Variants in HACL2 observed in about 807,000 individuals in gnomAD.
The protein encoded by HACL2 is 2-hydroxyacyl-CoA lyase 2, also known as 2-hydroxyacyl-CoA lyase 1 like.
the HACL2 span, chr19:15,122,706 G>A: frequency 1.1e-5 from 17 of 1,613,908 alleles, no homozygotes; most frequent in East Asian, 4.5e-5. This position sits in a 1 kb window ranked among gnomAD's most constrained non-coding sequence, Gnocchi z 4.0. Context: ...GAGACCACTC[G>A]GCCCACGAGG....
chr19:15,115,063 T>G, the HACL2 span: 2 of 676,610 alleles, frequency 3.0e-6, no homozygotes, highest in East Asian at 5.4e-5. Flanking sequence ...GTTGGGTCCG[T>G]GAAGAGGAGG....
At chr19:15,115,648 C>G in the HACL2 span, 2 of 1,613,944 alleles carry the variant, frequency 1.2e-6, no homozygotes, top group Non-Finnish European at 1.7e-6. Context: ...CAGCATCATT[C>G]CCTACCAAGG....
the HACL2 span, among the ~76,000 whole-genome samples, chr19:15,122,045 C>G: frequency 6.9e-6 from 1 of 145,970 alleles, no homozygotes; most frequent in African/African-American, 2.6e-5. This position sits in a 1 kb window ranked among gnomAD's most constrained non-coding sequence, Gnocchi z 4.0. Flanking sequence ...CTACAGGCGC[C>G]CGCCACCACG....
chr19:15,121,634 C>T, the HACL2 span, among the ~76,000 whole-genome samples: 2 of 151,790 alleles, frequency 1.3e-5, no homozygotes, highest in Middle Eastern at 3.4e-3. Flanking sequence ...CATGATGAAA[C>T]CTCGTCTCTA....
chr19:15,115,158 G>A, the HACL2 span: 1 of 1,440,120 alleles, frequency 6.9e-7, no homozygotes, highest in South Asian at 1.1e-5. Flanking sequence ...TGGGCCTCAT[G>A]GGATAGGCCC....
chr19:15,119,666 T>A, the HACL2 span: 1 of 716,964 alleles, frequency 1.4e-6, no homozygotes, highest in Non-Finnish European at 2.3e-6. Flanking sequence ...TTCTCCCGCC[T>A]CAGCCTCCAG....
chr19:15,123,210 G>A, the HACL2 span: 2 of 1,613,972 alleles, frequency 1.2e-6, no homozygotes, highest in Non-Finnish European at 1.7e-6. The surrounding 1 kb of genome is among the most constrained non-coding windows in gnomAD (Gnocchi z 5.1). Context: ...GGTGAGGCCA[G>A]GGCCTGCTGT....
chr19:15,125,317 C>T, the HACL2 span: 7 of 513,706 alleles, frequency 1.4e-5, no homozygotes, highest in African/African-American at 4.0e-5. Context: ...ACCACTCCCA[C>T]CCAAACTAGC....
chr19:15,124,598 C>T, the HACL2 span: 1 of 356,134 alleles, frequency 2.8e-6, no homozygotes, highest in African/African-American at 2.2e-5. Flanking sequence ...GGAGCCTGCC[C>T]TCTGCCCCAT....
chr19:15,117,367 T>C, the HACL2 span: 110,497 of 154,658 alleles, frequency 0.71, 39,778 homozygotes, highest in African/African-American at 0.78. Context: ...ACCCCACCAT[T>C]TGTTCCTACA....
the HACL2 span, chr19:15,125,373 C>T: frequency 5.6e-6 from 2 of 359,638 alleles, no homozygotes; most frequent in Non-Finnish European, 1.0e-5. Context: ...AGTTATCTTC[C>T]ACTTACCTAC....
the HACL2 span, chr19:15,114,996 C>T: frequency 6.9e-6 from 4 of 576,524 alleles, no homozygotes; most frequent in Non-Finnish European, 1.2e-5. Flanking sequence ...GTACTTGGGC[C>T]TACATGGGCC....
chr19:15,117,866 G>A, the HACL2 span: 3 of 1,613,794 alleles, frequency 1.9e-6, no homozygotes, highest in South Asian at 2.2e-5. Flanking sequence ...TGTACGGGGG[G>A]ATTAAGGGGC....
At chr19:15,125,166 C>T in the HACL2 span, 1 of 1,230,322 alleles carries the variant, frequency 8.1e-7, no homozygotes, top group Non-Finnish European at 1.1e-6. Flanking sequence ...GGGCCACGAC[C>T]CTTGCCGCCA....
the HACL2 span, chr19:15,115,353 C>T: frequency 3.1e-6 from 5 of 1,614,140 alleles, no homozygotes; most frequent in East Asian, 8.9e-5. Context: ...TCGTGCAGCA[C>T]CTTGACCACC....
the HACL2 span, chr19:15,119,167 T>C: frequency 1.9e-6 from 3 of 1,558,592 alleles, no homozygotes; most frequent in African/African-American, 1.4e-5. Flanking sequence ...CAGGCCCACC[T>C]GCTAGGACAA....
chr19:15,116,708 G>T, the HACL2 span: 1 of 588,880 alleles, frequency 1.7e-6, no homozygotes, highest in Admixed American at 3.1e-5. Flanking sequence ...GGGGAGGGCA[G>T]CCCAGGTGAA....
the HACL2 span, chr19:15,119,108 G>A: frequency 6.7e-7 from 1 of 1,501,802 alleles, no homozygotes; most frequent in Non-Finnish European, 8.9e-7. Flanking sequence ...TGTGAAGCTG[G>A]GTAACAGGGT....
At chr19:15,116,635 A>C in the HACL2 span, 2 of 807,264 alleles carry the variant, frequency 2.5e-6, no homozygotes, top group Non-Finnish European at 4.0e-6. Flanking sequence ...GGCAGACGGG[A>C]AGCAGGCCAG....
Sources: gnomAD v4.1 joint callset for allele counts (sites outside exome capture counted in the v4.1 genomes callset) on GRCh38, gnomAD v4.1.1 for gene constraint, Gnocchi (gnomAD v3.1) non-coding constraint, MANE v1.5 for transcripts, NCBI Gene and HGNC (gene_info 2026-07-23, HGNC 2026-07-21) for gene names.